GALNT1: variants seen among roughly 807,000 people sequenced by gnomAD.
GALNT1 encodes the protein polypeptide N-acetylgalactosaminyltransferase 1, also known as GalNAc transferase 1.
In GALNT1, 17 loss-of-function variants were observed where a neutral mutation model predicts 65.7. The observed-to-expected ratio is 0.26, with a 90% CI of 0.18 to 0.39. The LOEUF (loss-of-function observed/expected upper bound fraction) is 0.39, where lower values mean the gene tolerates loss of function less well. Among genes scored for constraint, GALNT1 ranks in the 10% least tolerant of loss-of-function variants. GALNT1 has a pLI of 1.00. For missense variants in GALNT1, 460 were observed against 672.8 expected, an observed-to-expected ratio of 0.68 and a Z score of 3.50; for synonymous variants, 210 against 219.7, an observed-to-expected ratio of 0.96 and a Z score of 0.39.
intron 1 of GALNT1, among the ~76,000 whole-genome samples, chr18:35,634,335 G>A (rs1011701835): frequency 1.3e-5 from 2 of 152,132 alleles, no homozygotes; most frequent in Non-Finnish European, 2.9e-5. Flanking sequence ...TCAGCATTTG[G>A]CTTAATAGAC....
At position 35,705,001 on chromosome 18, in the gene GALNT1, G is replaced by T. The variant is rs182687960; in HGVS notation, c.1533+1358G>T. 2.9e-3 allele frequency among the ~76,000 whole-genome samples: 437 copies of T among 152,226 alleles called. 1 individual carries two copies. Among genetic ancestry groups the T allele is most frequent in the African/African-American group, 9.7e-3 (404 of 41,532 alleles). On this transcript the variant is annotated intron_variant, in intron 11 of 11. Coordinates refer to ENST00000269195, the MANE Select transcript of GALNT1 (RefSeq NM_020474.4). ...GGCCATAAGATGCACTACTGTTTAG[G>T]TTCTTCTCTTAGTTTGCTCTCTGTT...
intron 9 of GALNT1, among the ~76,000 whole-genome samples, chr18:35,697,269 AG>A (rs1444657334): frequency 6.6e-6 from 1 of 152,200 alleles, no homozygotes; most frequent in Admixed American, 6.5e-5. Flanking sequence ...CCAATGAGAA[AG>A]GGTTCTTATA....
intron 1 of GALNT1, chr18:35,596,045 C>G (rs904810929): frequency 3.3e-5 from 5 of 152,062 alleles, no homozygotes; most frequent in Non-Finnish European, 7.4e-5. Context: ...GCTGCGAAAA[C>G]TAAGGAAAAC....
chr18:35,656,036 A>G (rs1256240131), intron 2 of GALNT1, among the ~76,000 whole-genome samples: 3 of 152,196 alleles, frequency 2.0e-5, no homozygotes, highest in African/African-American at 7.2e-5. Flanking sequence ...AAATGTTGCC[A>G]CCTTAACTGT....
At chr18:35,640,061 G>A (rs1461159780) in intron 1 of GALNT1, among the ~76,000 whole-genome samples, 3 of 152,196 alleles carry the variant, frequency 2.0e-5, no homozygotes, top group African/African-American at 7.2e-5. Context: ...GCCTCCCAAA[G>A]TGCTAGGATT....
At chr18:35,598,235 A>C (rs762224501) in intron 1 of GALNT1, among the ~76,000 whole-genome samples, 3 of 151,672 alleles carry the variant, frequency 2.0e-5, no homozygotes, top group Non-Finnish European at 4.4e-5. Flanking sequence ...AAGTTTCACC[A>C]TGTTGGCCAG....
chr18:35,581,733 C>A (rs1319573252), upstream of GALNT1: 1 of 88,912 alleles, frequency 1.1e-5, no homozygotes, highest in African/African-American at 4.3e-5. Flanking sequence ...CCGGGGGAGC[C>A]GCCGGCAGTG....
At chr18:35,616,572 T>A (rs1455779436) in intron 1 of GALNT1, among the ~76,000 whole-genome samples, 2 of 152,220 alleles carry the variant, frequency 1.3e-5, no homozygotes, top group Non-Finnish European at 2.9e-5. Context: ...AAGGCTTGCA[T>A]ATCCTCACCT....
intron 1 of GALNT1, among the ~76,000 whole-genome samples, chr18:35,621,232 G>A (rs1341203835): frequency 1.3e-5 from 2 of 148,862 alleles, no homozygotes; most frequent in Admixed American, 6.7e-5. Context: ...AGGCTGGAGT[G>A]CAGTAGTGGG....
chr18:35,628,866 C>T (rs1468154836), intron 1 of GALNT1, among the ~76,000 whole-genome samples: 1 of 152,126 alleles, frequency 6.6e-6, no homozygotes, highest in African/African-American at 2.4e-5. Context: ...GCAGAGAAGT[C>T]CTTAAAGGAC....
At chr18:35,670,812 C>T (rs1261745620) in intron 3 of GALNT1, among the ~76,000 whole-genome samples, 3 of 152,178 alleles carry the variant, frequency 2.0e-5, no homozygotes, top group Non-Finnish European at 4.4e-5. Context: ...TCTGTACATA[C>T]TTGAACACTT....
chr18:35,687,301 C>G, intron 6 of GALNT1, 115 bp downstream of exon 6: 1 of 881,950 alleles, frequency 1.1e-6, no homozygotes, highest in Non-Finnish European at 1.7e-6. Flanking sequence ...ATTCGTATAC[C>G]TTATGGTAGT....
chr18:35,678,680 A>C (rs1034897465), intron 4 of GALNT1, among the ~76,000 whole-genome samples: 10 of 152,018 alleles, frequency 6.6e-5, no homozygotes, highest in Admixed American at 2.0e-4. Context: ...ATAATTTCCT[A>C]CTTCTTTTCT....
intron 1 of GALNT1, among the ~76,000 whole-genome samples, chr18:35,628,343 C>T (rs554301154): frequency 3.7e-4 from 57 of 152,308 alleles, no homozygotes; most frequent in Middle Eastern, 3.4e-3. Flanking sequence ...ACACTTCACA[C>T]GGCCGGGTAC....
At chr18:35,681,329 C>T (rs551285331) in intron 4 of GALNT1, among the ~76,000 whole-genome samples, 64 of 152,148 alleles carry the variant, frequency 4.2e-4, no homozygotes, top group African/African-American at 1.4e-3. Flanking sequence ...AATTCCTAAT[C>T]CCCCACCCAT....
chr18:35,673,132 C>T (rs2047659340), intron 3 of GALNT1, among the ~76,000 whole-genome samples: 1 of 152,012 alleles, frequency 6.6e-6, no homozygotes, highest in Non-Finnish European at 1.5e-5. Context: ...TGGCAGGTAG[C>T]CAGACATCTT....
intron 1 of GALNT1, among the ~76,000 whole-genome samples, chr18:35,620,648 G>C (rs2046838968): frequency 6.6e-6 from 1 of 152,078 alleles, no homozygotes. Flanking sequence ...GGAACATATT[G>C]TACATATTCT....
Position 35,650,384 on chromosome 18 carries a change from G to A in GALNT1, c.-103-4176G>A, listed in dbSNP as rs1010698038. On this transcript the variant is annotated intron_variant, in intron 1 of 11. Coordinates refer to ENST00000269195, the MANE Select transcript of GALNT1 (RefSeq NM_020474.4). ...GGAGGCAGGGCGAGATCACAGGATC[G>A]TGGCGAAATTAAAATTGCTAATGAA... 2.0e-5 allele frequency among the ~76,000 whole-genome samples: 3 copies of A among 152,148 alleles called. 1 individual carries two copies. The highest frequency in any genetic ancestry group is 4.1e-4 in the South Asian group (2 of 4,824).
intron 1 of GALNT1, among the ~76,000 whole-genome samples, chr18:35,628,333 A>T (rs776445108): frequency 6.6e-5 from 10 of 152,184 alleles, no homozygotes; most frequent in Non-Finnish European, 1.3e-4. Context: ...GGGCAGACTG[A>T]CACTTCACAC....
Sources: allele counts gnomAD v4.1 joint callset (sites outside exome capture counted in the v4.1 genomes callset), GRCh38; gene constraint gnomAD v4.1.1; transcripts MANE v1.5; gene names NCBI Gene and HGNC (gene_info 2026-07-23, HGNC 2026-07-21).